NDST1: variants seen among roughly 807,000 people sequenced by gnomAD.
The protein encoded by NDST1 is N-deacetylase and N-sulfotransferase 1, also known as bifunctional heparan sulfate N-deacetylase/N-sulfotransferase 1.
Under a neutral mutation model 92.8 loss-of-function variants are expected in NDST1, and 35 were observed. The ratio of observed to expected loss-of-function variants is 0.38; its 90% CI spans 0.29 to 0.50. NDST1 has a LOEUF of 0.50. NDST1 is among the 20% of genes least tolerant of loss of function. NDST1 has a pLI of 0.94. For missense variants in NDST1, 822 were observed against 1,182.7 expected, an observed-to-expected ratio of 0.69 and a Z score of 4.47; for synonymous variants, 493 against 500.3, an observed-to-expected ratio of 0.99 and a Z score of 0.19.
chr5:150,537,995 C>T (rs1029103377), intron 6 of NDST1, among the ~76,000 whole-genome samples: 2 of 152,108 alleles, frequency 1.3e-5, no homozygotes, highest in Non-Finnish European at 2.9e-5. Flanking sequence ...ATGAGTGCCA[C>T]GGACAAAGTT....
At chr5:150,526,077 C>T (rs779241514) in intron 2 of NDST1, among the ~76,000 whole-genome samples, 2 of 152,200 alleles carry the variant, frequency 1.3e-5, no homozygotes, top group African/African-American at 2.4e-5. Context: ...CATGCTGAGG[C>T]CTGTCCTACC....
chr5:150,543,075 C>T (rs144785147), intron 10 of NDST1, 104 bp downstream of exon 10: 2 of 1,454,990 alleles, frequency 1.4e-6, no homozygotes, highest in Non-Finnish European at 1.9e-6. Context: ...TGCTCACACA[C>T]AGCTGTCATT....
Position 150,553,145 on chromosome 5 carries a change from A to G in NDST1, c.2530-68A>G, listed in dbSNP as rs1755795135. 17 of 1,569,444 alleles carry G rather than the reference A, an allele frequency of 1.1e-5. No homozygotes were observed. In the South Asian group the frequency reaches 1.8e-4, roughly 16 times the overall value. On this transcript the variant is annotated intron_variant, in intron 14 of 14. Coordinates refer to ENST00000261797, the MANE Select transcript of NDST1 (RefSeq NM_001543.5). The surrounding 1 kb of genome is among the most constrained non-coding windows in gnomAD (Gnocchi z 4.2). The stretch of plus-strand genomic sequence containing the variant: ...CATGAGCCACCGTGCCCGGCCGAGC[A>G]TGGCGATTTTTAGAGGAGGTCACTC...
chr5:150,539,651 T>TTTGA (rs1403729378), intron 7 of NDST1: 1 of 985,338 alleles, frequency 1.0e-6, no homozygotes, highest in African/African-American at 1.7e-5. Flanking sequence ...CATACACAGA[T>TTTGA]ACACACACAT....
At chr5:150,544,713 C>T (rs1330905247) in intron 10 of NDST1, among the ~76,000 whole-genome samples, 3 of 152,172 alleles carry the variant, frequency 2.0e-5, no homozygotes, top group Non-Finnish European at 4.4e-5. Context: ...TTCCTTCATC[C>T]AGAGGTGGCC....
chr5:150,533,129 A>C, intron 4 of NDST1, 97 bp downstream of exon 4: 4 of 1,203,502 alleles, frequency 3.3e-6, no homozygotes, highest in Admixed American at 1.7e-5. Flanking sequence ...GGGTGGGTTT[A>C]CTGGCCCACA....
chr5:150,539,147 CCTT>C, intron 6 of NDST1, 78 bp from the exon 7 acceptor site: 1 of 1,176,118 alleles, frequency 8.5e-7, no homozygotes, highest in Non-Finnish European at 1.3e-6. Context: ...AGCAGCTGGG[CCTT>C]CTTCCTCTGA....
At chr5:150,523,883 A>T (rs777393495) in intron 2 of NDST1, among the ~76,000 whole-genome samples, 1 of 152,166 alleles carries the variant, frequency 6.6e-6, no homozygotes, top group Non-Finnish European at 1.5e-5. Context: ...GTTGCCTAGG[A>T]CAAGACTATC....
chr5:150,539,064 G>A (rs939521222), intron 6 of NDST1, among the ~76,000 whole-genome samples, 164 bp from the exon 7 acceptor site: 1 of 152,164 alleles, frequency 6.6e-6, no homozygotes, highest in Admixed American at 6.5e-5. Context: ...TAGTTCACTG[G>A]GGGGAACGCT....
rs561290428 is a variant in NDST1, at chr5:150,513,319, C to T, written c.-388+5093C>T. On this transcript the variant is annotated intron_variant, in intron 1 of 14. Transcript: ENST00000261797. The stretch of plus-strand genomic sequence containing the variant: ...CAGCCTGGGCAACATGGCGAAACCC[C>T]GTCTCTACTAAAAATACAAAAATTA... Among the ~76,000 whole-genome samples the T allele has an allele frequency of 2.4e-3, 363 of 151,298 alleles. 2 individuals are homozygous for T. The highest frequency in any genetic ancestry group is 3.0e-3 in the Non-Finnish European group (201 of 67,814).
chr5:150,546,536 C>G (rs1382318492), intron 11 of NDST1, among the ~76,000 whole-genome samples: 1 of 152,236 alleles, frequency 6.6e-6, no homozygotes, highest in Non-Finnish European at 1.5e-5. Flanking sequence ...CCCAGCAGAC[C>G]AGGCCTGTGC....
Position 150,514,766 on chromosome 5 carries a change from A to G in NDST1, c.-387-6102A>G, listed in dbSNP as rs917109971. Among the ~76,000 whole-genome samples the G allele has an allele frequency of 2.0e-5, 3 of 152,130 alleles. 1 individual carries two copies. Among genetic ancestry groups the G allele is most frequent in the Non-Finnish European group, 4.4e-5 (3 of 68,024 alleles). ...TGGTGGTTTCCATGTGACTGTGGCA[A>G]GTCACTTCACCTTGAAGTCTTTGTC... On this transcript the variant is annotated intron_variant, in intron 1 of 14. Transcript: ENST00000261797.
chr5:150,548,412 T>A, intron 12 of NDST1, 24 bp downstream of exon 12: 1 of 1,605,770 alleles, frequency 6.2e-7, no homozygotes, highest in South Asian at 1.1e-5. Context: ...CTGACCCTTG[T>A]GAGGGCAGTC....
At chr5:150,525,345 C>T (rs547939636) in intron 2 of NDST1, among the ~76,000 whole-genome samples, 3 of 152,172 alleles carry the variant, frequency 2.0e-5, no homozygotes, top group Non-Finnish European at 2.9e-5. Flanking sequence ...AGCTCAGGGT[C>T]GGGACTTTGA....
chr5:150,522,439 C>T (rs745413799), intron 2 of NDST1, among the ~76,000 whole-genome samples: 32 of 146,616 alleles, frequency 2.2e-4, no homozygotes, highest in African/African-American at 5.1e-4. Context: ...CTGTCCTTGG[C>T]GGGGGGAGGT....
At chr5:150,545,534 G>A (rs565756789) in intron 11 of NDST1, 48 bp downstream of exon 11, 24 of 1,602,400 alleles carry the variant, frequency 1.5e-5, no homozygotes, top group Admixed American at 8.3e-5. Flanking sequence ...ACAGGGCTCC[G>A]TCTGACACTC....
At chr5:150,535,931 C>T (rs1484279611) in intron 6 of NDST1, 46 bp downstream of exon 6, 1 of 1,586,776 alleles carries the variant, frequency 6.3e-7, no homozygotes, top group East Asian at 2.3e-5. Flanking sequence ...ATGGAGAGCA[C>T]AGTCTGTCAT....
At chr5:150,543,086 C>A in intron 10 of NDST1, 115 bp downstream of exon 10, 1 of 1,387,478 alleles carries the variant, frequency 7.2e-7, no homozygotes, top group Non-Finnish European at 1.0e-6. Flanking sequence ...AGCTGTCATT[C>A]CTGTAAACAG....
intron 11 of NDST1, 74 bp from the exon 12 acceptor site, chr5:150,548,144 G>A (rs891981740): frequency 8.2e-6 from 13 of 1,582,854 alleles, no homozygotes; most frequent in African/African-American, 8.1e-5. Context: ...GCCACCTTGC[G>A]GGCTGCTGTC....
Sources: allele counts gnomAD v4.1 joint callset (sites outside exome capture counted in the v4.1 genomes callset), GRCh38; gene constraint gnomAD v4.1.1; non-coding constraint Gnocchi (gnomAD v3.1); transcripts MANE v1.5; gene names NCBI Gene and HGNC (gene_info 2026-07-23, HGNC 2026-07-21).